Variants in COX15 observed in about 807,000 individuals in gnomAD.
COX15 encodes heme A synthase COX15.
COX15 carries 51 observed loss-of-function variants against 51.9 expected under a neutral mutation model. That is an observed-to-expected ratio of 0.98 (90% CI 0.78 to 1.24). COX15 has a LOEUF of 1.24. Ranked by LOEUF, COX15 falls within the 50% of genes most tolerant of loss-of-function variation. The pLI, the probability that COX15 is intolerant of heterozygous loss-of-function variation, is 0.00. For synonymous variants in COX15, 188 were observed against 190.5 expected (o/e 0.99, Z 0.11); for missense variants, 420 against 501.1 (o/e 0.84, Z 1.55).
intron 7 of COX15, among the ~76,000 whole-genome samples, chr10:99,717,664 AG>A (rs1489860406): frequency 2.0e-5 from 3 of 152,204 alleles, no homozygotes; most frequent in African/African-American, 7.2e-5. Context: ...CTAGGATTAT[AG>A]GTGTGAGCCA....
At chr10:99,722,355 TG>T (rs894181080) in intron 5 of COX15, among the ~76,000 whole-genome samples, 17 of 152,100 alleles carry the variant, frequency 1.1e-4, no homozygotes, top group African/African-American at 4.1e-4. Flanking sequence ...CAAGAGTGTG[TG>T]GGTTTATGTG....
At chr10:99,716,016 G>A (rs2036561148) in intron 8 of COX15, among the ~76,000 whole-genome samples, 1 of 147,980 alleles carries the variant, frequency 6.8e-6, no homozygotes, top group South Asian at 2.1e-4. Flanking sequence ...TAAACAGACA[G>A]GGTCTCACTC....
chr10:99,697,771 C>G, the COX15 span: 1 of 161,764 alleles, frequency 6.2e-6, no homozygotes, highest in Non-Finnish European at 1.4e-5. Flanking sequence ...AAGAAGTCCA[C>G]TCTTCAACAT....
Position 99,721,171 on chromosome 10 carries a change from C to T in COX15, c.751-103G>A, listed in dbSNP as rs2231686. 4.0e-3 allele frequency: 3,418 copies of T among 845,776 alleles called. 77 individuals carry two copies. The African/African-American group carries it at 0.048, about 12-fold the overall frequency. The allele number at this position is 845,776 out of a possible 1,614,324, so 52.4% of individuals were successfully genotyped here. On this transcript the variant is annotated intron_variant, in intron 5 of 8. Transcript: ENST00000016171. ...CCCAAGTGACAAATTAAGATCAGAT[C>T]TTCTCTGACCCCTAGACTAGGTTAA... is the stretch of plus-strand genomic sequence containing the variant.
intron 4 of COX15, 87 bp downstream of exon 4, chr10:99,726,881 C>T: frequency 4.1e-6 from 5 of 1,231,946 alleles, no homozygotes; most frequent in South Asian, 2.6e-5. Flanking sequence ...CAGCGAGACT[C>T]CGTCTCAAAA....
At chr10:99,726,527 G>A (rs906830158) in intron 4 of COX15, among the ~76,000 whole-genome samples, 1 of 152,144 alleles carries the variant, frequency 6.6e-6, no homozygotes, top group Non-Finnish European at 1.5e-5. Flanking sequence ...AGCTAGGCCT[G>A]TGACACTAAA....
At chr10:99,698,390 G>A in the COX15 span, 1 of 735,562 alleles carries the variant, frequency 1.4e-6, no homozygotes, top group Non-Finnish European at 2.2e-6. Flanking sequence ...ATGTTTATGT[G>A]ATGAAATTGC....
intron 1 of COX15, among the ~76,000 whole-genome samples, chr10:99,731,128 T>C (rs2037127428): frequency 2.6e-5 from 4 of 152,184 alleles, no homozygotes; most frequent in Admixed American, 2.6e-4. Context: ...GGCAGCTCCA[T>C]TATAATCTTA....
In COX15 at chr10:99,727,478, C is replaced by T. The variant is rs1429730894; in HGVS notation, c.358G>A (p.Glu120Lys). Residue 120 changes from glutamate to lysine, a missense_variant, in exon 3 of 9, where the codon GAA (glutamate) becomes AAA (lysine). Physicochemically the swap from Glu to Lys is moderately conservative, Grantham distance 56 (BLOSUM62 1). Coordinates refer to ENST00000016171, the MANE Select transcript of COX15 (RefSeq NM_078470.6). ...PPTSQEEWEAEFQRYQQFPEF... is the reference protein window; with the variant it reads ...PPTSQEEWEAKFQRYQQFPEF... ...GGAAATTGCTGGTATCTTTGGAATT[C>T]TGCTTCCCATTCCTCTTGGCTTGTA... is the stretch of plus-strand genomic sequence containing the variant. 11 of 1,613,898 alleles carry T rather than the reference C, an allele frequency of 6.8e-6. No individual in the cohort carries two copies. The highest frequency in any genetic ancestry group is 9.3e-6 in the Non-Finnish European group (11 of 1,180,014).
rs2133563810 is a variant in COX15, at chr10:99,713,707, T to C, written c.*880A>G. On this transcript the variant is annotated 3_prime_UTR_variant, in exon 9 of 9. Coordinates refer to ENST00000016171, the MANE Select transcript of COX15 (RefSeq NM_078470.6). Reference sequence around the variant, plus strand: ...GGAACTAGCTGGGCGTGGTGGCCCATGCCTGTAATCTCAGCACTTTGGGAA... The same window carrying C: ...GGAACTAGCTGGGCGTGGTGGCCCACGCCTGTAATCTCAGCACTTTGGGAA... 4.6e-6 allele frequency: 3 copies of C among 657,754 alleles called. No individual in the cohort carries two copies. The highest frequency in any genetic ancestry group is 7.3e-6 in the Non-Finnish European group (3 of 413,124). The allele number at this position is 657,754 out of a possible 1,614,324, so 40.7% of individuals were successfully genotyped here. A position where few individuals can be genotyped will look rare whatever the true frequency, so the allele number is the denominator to read the frequency against.
chr10:99,722,663 T>C (rs1353358717), intron 5 of COX15, among the ~76,000 whole-genome samples: 1 of 151,970 alleles, frequency 6.6e-6, no homozygotes, highest in Non-Finnish European at 1.5e-5. Context: ...TGAAACCCTG[T>C]CTCTACTAAA....
At position 99,723,965 on chromosome 10, in the gene COX15, A is replaced by T; in HGVS notation, c.741T>A (p.Pro247=). The T allele has an allele frequency of 6.2e-7, 1 of 1,613,876 alleles. No homozygotes were observed. The highest frequency in any genetic ancestry group is 2.2e-5 in the East Asian group (1 of 44,874). Reference sequence around the variant, plus strand: ...TGCACACAACTCTTACCTTGTGCGGAGGGAGTAGCAGTGACAGTGAGGTCC... The same window carrying T: ...TGCACACAACTCTTACCTTGTGCGGTGGGAGTAGCAGTGACAGTGAGGTCC... ...SLWTSLSLLL[P]PHKLPETHQL... Residue 247 remains proline, a synonymous_variant, in exon 5 of 9, where the codon CCT becomes CCA. Coordinates refer to ENST00000016171, the MANE Select transcript of COX15 (RefSeq NM_078470.6).
downstream of COX15, chr10:99,709,771 C>T (rs902162129): frequency 1.2e-5 from 12 of 985,214 alleles, no homozygotes; most frequent in African/African-American, 1.7e-5. Flanking sequence ...ATAGACTTCT[C>T]TTGTGTTATT....
At chr10:99,696,620 C>A in the COX15 span, among the ~76,000 whole-genome samples, 1 of 152,108 alleles carries the variant, frequency 6.6e-6, no homozygotes, top group African/African-American at 2.4e-5. Flanking sequence ...TCAGTTTTTC[C>A]TTTAGCATTG....
intron 5 of COX15, among the ~76,000 whole-genome samples, 188 bp from the exon 6 acceptor site, chr10:99,721,256 CTA>C (rs1413730137): frequency 6.6e-6 from 1 of 152,174 alleles, no homozygotes; most frequent in Non-Finnish European, 1.5e-5. Context: ...TTATAGATTA[CTA>C]TCTGTTTTCC....
chr10:99,696,273 C>A, the COX15 span: 1 of 871,482 alleles, frequency 1.1e-6, no homozygotes, highest in Non-Finnish European at 1.7e-6. Flanking sequence ...TCTTAAAGAC[C>A]TCTATTAGCA....
chr10:99,700,812 G>A, the COX15 span: 1 of 684,962 alleles, frequency 1.5e-6, no homozygotes, highest in Non-Finnish European at 2.6e-6. Flanking sequence ...GAATAAACAG[G>A]GGTATGACGC....
the COX15 span, chr10:99,696,230 C>G: frequency 1.5e-6 from 2 of 1,327,606 alleles, no homozygotes; most frequent in Non-Finnish European, 2.1e-6. Context: ...CTTCCTCCTT[C>G]TTTCTGACTA....
chr10:99,695,393 G>A, the COX15 span, among the ~76,000 whole-genome samples: 1 of 152,092 alleles, frequency 6.6e-6, no homozygotes. Flanking sequence ...ATGGTGGCAC[G>A]TGCCTGTAGT....
Sources: gnomAD v4.1 joint callset for allele counts (sites outside exome capture counted in the v4.1 genomes callset) on GRCh38, gnomAD v4.1.1 for gene constraint, MANE v1.5 for transcripts, NCBI Gene and HGNC (gene_info 2026-07-23, HGNC 2026-07-21) for gene names.